C2CD5: variants seen among roughly 807,000 people sequenced by gnomAD.
The protein encoded by C2CD5 is C2 calcium dependent domain containing 5.
A neutral mutation model predicts 130.3 loss-of-function variants in C2CD5; 109 were observed. That is an observed-to-expected ratio of 0.84 (90% CI 0.72 to 0.98). The LOEUF is 0.98. Among genes scored for constraint, C2CD5 ranks in the 50% least tolerant of loss-of-function variants. The pLI, the probability that C2CD5 is intolerant of heterozygous loss-of-function variation, is 0.00. For missense variants in C2CD5, 996 were observed against 1,261.8 expected, an observed-to-expected ratio of 0.79 and a Z score of 3.19; for synonymous variants, 454 against 429.2, an observed-to-expected ratio of 1.06 and a Z score of -0.71.
intron 26 of C2CD5, among the ~76,000 whole-genome samples, chr12:22,450,876 G>T (rs1434154481): frequency 6.6e-6 from 1 of 152,014 alleles, no homozygotes; most frequent in African/African-American, 2.4e-5. Context: ...TTATGTGGTT[G>T]TAACAAACAA....
At chr12:22,525,813 C>T in intron 4 of C2CD5, 108 bp from the exon 5 acceptor site, 1 of 691,526 alleles carries the variant, frequency 1.4e-6, no homozygotes, top group East Asian at 2.6e-5. Flanking sequence ...AATGATTTAA[C>T]TCACAATTTT....
At chr12:22,540,009 AAG>A (rs1565822165) in intron 2 of C2CD5, among the ~76,000 whole-genome samples, 1 of 151,544 alleles carries the variant, frequency 6.6e-6, no homozygotes, top group Non-Finnish European at 1.5e-5. Flanking sequence ...AAAAAAAAAA[AAG>A]AGAAAAAAAA....
chr12:22,485,684 T>C (rs553229852), intron 12 of C2CD5, among the ~76,000 whole-genome samples: 85 of 152,180 alleles, frequency 5.6e-4, no homozygotes, highest in Non-Finnish European at 1.1e-3. Flanking sequence ...TCAGTTTGTT[T>C]GAATCCAAAG....
chr12:22,455,336 C>A (rs1456155277), intron 25 of C2CD5, among the ~76,000 whole-genome samples: 2 of 152,164 alleles, frequency 1.3e-5, no homozygotes, highest in Non-Finnish European at 2.9e-5. Context: ...GAAAACGACT[C>A]AGGCAATTAA....
At chr12:22,459,364 A>G in intron 23 of C2CD5, 128 bp downstream of exon 23, 1 of 507,872 alleles carries the variant, frequency 2.0e-6, no homozygotes, top group Non-Finnish European at 3.5e-6. Context: ...CTACAAAAAA[A>G]AAAAAGCCAG....
At chr12:22,522,881 A>G (rs899038272) in intron 7 of C2CD5, among the ~76,000 whole-genome samples, 15 of 152,140 alleles carry the variant, frequency 9.9e-5, no homozygotes, top group Admixed American at 9.2e-4. Flanking sequence ...AAATATCTGG[A>G]ATAAGTTTAA....
At chr12:22,538,779 C>T (rs1339503447) in intron 2 of C2CD5, among the ~76,000 whole-genome samples, 1 of 152,156 alleles carries the variant, frequency 6.6e-6, no homozygotes, top group Non-Finnish European at 1.5e-5. Flanking sequence ...TTGTCCTAGT[C>T]ACCTGAAAAT....
At chr12:22,455,594 T>C (rs1357959592) in intron 25 of C2CD5, among the ~76,000 whole-genome samples, 1 of 152,230 alleles carries the variant, frequency 6.6e-6, no homozygotes, top group Admixed American at 6.5e-5. Flanking sequence ...AGAAGTATCA[T>C]CTATTTTAAT....
At chr12:22,461,889 T>C (rs1218439661) in intron 22 of C2CD5, among the ~76,000 whole-genome samples, 3 of 152,146 alleles carry the variant, frequency 2.0e-5, no homozygotes, top group African/African-American at 7.2e-5. Context: ...GCTTGCTATC[T>C]TAATTTTTCT....
At chr12:22,452,122 A>C (rs1277268320) in intron 26 of C2CD5, among the ~76,000 whole-genome samples, 1 of 152,186 alleles carries the variant, frequency 6.6e-6, no homozygotes, top group Non-Finnish European at 1.5e-5. Context: ...TACAAATCTC[A>C]ATCTCAAATA....
At chr12:22,519,578 A>G (rs1488064302) in intron 7 of C2CD5, among the ~76,000 whole-genome samples, 1 of 152,164 alleles carries the variant, frequency 6.6e-6, no homozygotes, top group Non-Finnish European at 1.5e-5. Context: ...TTTCATCACA[A>G]TAGAACTTAC....
intron 2 of C2CD5, among the ~76,000 whole-genome samples, chr12:22,536,389 T>C (rs1164640477): frequency 6.6e-6 from 1 of 152,190 alleles, no homozygotes; most frequent in African/African-American, 2.4e-5. Flanking sequence ...AAAATAAAAA[T>C]GGCAATAACT....
In C2CD5 at chr12:22,472,674, T is replaced by C. The variant is rs1023995900; in HGVS notation, c.2107+70A>G. The C allele has an allele frequency of 7.8e-6, 7 of 894,422 alleles. 1 individual carries two copies. Among genetic ancestry groups the C allele is most frequent in the Middle Eastern group, 2.2e-4 (1 of 4,472 alleles). The allele number at this position is 894,422 out of a possible 1,614,324, so 55.4% of individuals were successfully genotyped here. On this transcript the variant is annotated intron_variant, in intron 17 of 26. Transcript: ENST00000446597. ...CCTTCTTTTAAAGTAAAATTAGTAC[T>C]GTAACAATTATGAGCTAAAACATTT... is the stretch of plus-strand genomic sequence containing the variant.
intron 7 of C2CD5, chr12:22,519,156 G>GT: frequency 6.5e-7 from 1 of 1,535,934 alleles, no homozygotes; most frequent in Non-Finnish European, 8.7e-7. Context: ...GAAGTTCTGA[G>GT]TAAGTCGTGA....
chr12:22,507,600 T>C (rs1436157995), intron 9 of C2CD5, among the ~76,000 whole-genome samples: 1 of 152,084 alleles, frequency 6.6e-6, no homozygotes, highest in African/African-American at 2.4e-5. Flanking sequence ...AGGAAATTCA[T>C]TGAAATAGGA....
intron 5 of C2CD5, among the ~76,000 whole-genome samples, chr12:22,524,877 A>C (rs1344289981): frequency 6.6e-6 from 1 of 152,230 alleles, no homozygotes; most frequent in Non-Finnish European, 1.5e-5. Context: ...GCATTTGTAT[A>C]ATTTGGAAAA....
At chr12:22,529,551 G>T (rs1951024784) in intron 3 of C2CD5, among the ~76,000 whole-genome samples, 1 of 152,040 alleles carries the variant, frequency 6.6e-6, no homozygotes, top group Non-Finnish European at 1.5e-5. Context: ...GAATAACAGG[G>T]AAAATCAAGA....
intron 9 of C2CD5, chr12:22,512,782 A>G (rs1230665208): frequency 9.9e-6 from 7 of 703,866 alleles, no homozygotes; most frequent in Non-Finnish European, 1.6e-5. Flanking sequence ...CTAAATCTCA[A>G]ACTTACAATA....
At chr12:22,506,550 T>G (rs1948558413) in intron 10 of C2CD5, among the ~76,000 whole-genome samples, 161 bp downstream of exon 10, 9 of 152,184 alleles carry the variant, frequency 5.9e-5, no homozygotes, top group Admixed American at 5.9e-4. Flanking sequence ...CTTAGTTTAT[T>G]TATAATTAAG....
Sources: allele counts gnomAD v4.1 joint callset (sites outside exome capture counted in the v4.1 genomes callset), GRCh38; gene constraint gnomAD v4.1.1; transcripts MANE v1.5; gene names NCBI Gene and HGNC (gene_info 2026-07-23, HGNC 2026-07-21).